FOXP1: variants seen among roughly 807,000 people sequenced by gnomAD.
FOXP1 encodes the protein forkhead box protein P1.
Under a neutral mutation model 98.2 loss-of-function variants are expected in FOXP1, and 15 were observed. The observed-to-expected ratio is 0.15, with a 90% CI of 0.10 to 0.24. The LOEUF is 0.24. FOXP1 is among the 10% of genes least tolerant of loss of function. The pLI is 1.00. For missense variants in FOXP1, 633 were observed against 848.5 expected (o/e 0.75, Z 3.15); for synonymous variants, 371 against 314.5 (o/e 1.18, Z -1.90).
chr3:71,502,758 G>C (rs901378652), intron 2 of FOXP1, among the ~76,000 whole-genome samples: 1 of 152,166 alleles, frequency 6.6e-6, no homozygotes, highest in Non-Finnish European at 1.5e-5. Context: ...GAACATTCTA[G>C]AAGAAGCCAG....
chr3:71,094,255 T>C (rs2056219153), intron 7 of FOXP1, among the ~76,000 whole-genome samples: 1 of 151,706 alleles, frequency 6.6e-6, no homozygotes, highest in Non-Finnish European at 1.5e-5. Flanking sequence ...CTGAATTTCA[T>C]ATAATTCCCT....
intron 7 of FOXP1, among the ~76,000 whole-genome samples, chr3:71,079,647 T>G (rs2054202839): frequency 6.6e-6 from 1 of 152,200 alleles, no homozygotes; most frequent in Admixed American, 6.5e-5. Flanking sequence ...GAAGACCTGT[T>G]CACGTCAGGG....
intron 3 of FOXP1, among the ~76,000 whole-genome samples, chr3:71,448,941 G>T (rs2086694070): frequency 1.3e-5 from 2 of 152,198 alleles, no homozygotes; most frequent in African/African-American, 4.8e-5. Flanking sequence ...GGCATGCAAA[G>T]TTTATTAGCT....
At chr3:71,545,136 A>C (rs1214829501) in intron 2 of FOXP1, among the ~76,000 whole-genome samples, 1 of 152,134 alleles carries the variant, frequency 6.6e-6, no homozygotes, top group African/African-American at 2.4e-5. Context: ...TTACACATGT[A>C]CATGCGCGCA....
intron 13 of FOXP1, among the ~76,000 whole-genome samples, chr3:70,999,861 T>C (rs757949854): frequency 4.6e-5 from 7 of 152,200 alleles, no homozygotes; most frequent in Non-Finnish European, 8.8e-5. Flanking sequence ...CTGTCTTGCA[T>C]ACAAAATAGG....
chr3:71,265,824 T>C (rs558212403), intron 5 of FOXP1, among the ~76,000 whole-genome samples: 12 of 152,148 alleles, frequency 7.9e-5, no homozygotes, highest in East Asian at 3.9e-4. Context: ...ACAAACCTCA[T>C]TGGAATCACG....
At chr3:71,152,082 G>A (rs763428393) in intron 6 of FOXP1, among the ~76,000 whole-genome samples, 62 of 152,288 alleles carry the variant, frequency 4.1e-4, no homozygotes, top group Middle Eastern at 3.4e-3. Flanking sequence ...TGTGGGCCTG[G>A]CCTAATTAGG....
At chr3:71,206,683 T>A (rs1042553145) in intron 5 of FOXP1, among the ~76,000 whole-genome samples, 2 of 152,360 alleles carry the variant, frequency 1.3e-5, no homozygotes, top group South Asian at 4.1e-4. Context: ...TGTAAATGTC[T>A]TATTCTTCAG....
At chr3:71,450,688 G>A (rs2086864801) in intron 3 of FOXP1, among the ~76,000 whole-genome samples, 1 of 152,180 alleles carries the variant, frequency 6.6e-6, no homozygotes, top group East Asian at 1.9e-4. Context: ...TCTAAATACT[G>A]TTTCTTGTGA....
In FOXP1 at chr3:70,972,558, CT is replaced by C. The variant is rs764457262; in HGVS notation, c.1648del (p.Ser550ValfsTer49). 6.2e-7 allele frequency: 1 copy of C among 1,614,236 alleles called. No homozygotes were observed. The highest frequency in any genetic ancestry group is 8.5e-7 in the Non-Finnish European group (1 of 1,180,046). ...AGTTCAAACATGGTGGACGTACCCACTGATCTTTTGTGGCCTTCGTTTTTGG... is the reference window on the plus strand; with the variant it reads ...AGTTCAAACATGGTGGACGTACCCACGATCTTTTGTGGCCTTCGTTTTTGG... ...EFQKRRPQKISGNPSLIKNMQ... is the reference protein window; with the variant it reads ...EFQKRRPQKIXGNPSLIKNMQ... On this transcript the variant is annotated frameshift_variant, in exon 18 of 21. Coordinates refer to ENST00000649528, the MANE Select transcript of FOXP1 (RefSeq NM_001349338.3). LOFTEE classifies it high-confidence loss of function.
At chr3:71,024,039 CGAAATCAGCTG>C (rs1485319525) in intron 11 of FOXP1, among the ~76,000 whole-genome samples, 4 of 152,262 alleles carry the variant, frequency 2.6e-5, no homozygotes, top group South Asian at 2.1e-4. Context: ...TATATCCCCT[CGAAATCAGCTG>C]GAAATCAGCT....
intron 13 of FOXP1, among the ~76,000 whole-genome samples, chr3:70,991,904 T>C (rs889023497): frequency 1.3e-5 from 2 of 152,172 alleles, no homozygotes; most frequent in Admixed American, 6.5e-5. Flanking sequence ...CCTGGGACAA[T>C]AACTCAAATC....
intron 2 of FOXP1, among the ~76,000 whole-genome samples, chr3:71,548,262 A>G (rs527385084): frequency 1.3e-5 from 2 of 152,316 alleles, no homozygotes; most frequent in African/African-American, 4.8e-5. Flanking sequence ...ATCCAGCTCT[A>G]GTTTAAAACT....
At chr3:71,391,151 A>G (rs2081001005) in intron 3 of FOXP1, among the ~76,000 whole-genome samples, 1 of 152,158 alleles carries the variant, frequency 6.6e-6, no homozygotes, top group South Asian at 2.1e-4. Context: ...ACTCACCTAA[A>G]ACAAAAATAT....
chr3:71,356,483 C>A (rs1183671476), intron 4 of FOXP1, among the ~76,000 whole-genome samples: 7 of 152,156 alleles, frequency 4.6e-5, no homozygotes, highest in African/African-American at 1.7e-4. Flanking sequence ...CAGGATGGTA[C>A]AAGCTTGTCA....
intron 20 of FOXP1, among the ~76,000 whole-genome samples, chr3:70,962,536 T>C (rs1405111013): frequency 6.6e-6 from 1 of 152,222 alleles, no homozygotes; most frequent in Non-Finnish European, 1.5e-5. Context: ...TTACCTTAAA[T>C]TGTGTTTCTC....
intron 6 of FOXP1, among the ~76,000 whole-genome samples, chr3:71,118,092 G>A (rs951117653): frequency 2.6e-5 from 4 of 152,144 alleles, no homozygotes; most frequent in Admixed American, 6.5e-5. Flanking sequence ...GGAACTGCCC[G>A]ATGGCTGGCA....
chr3:71,253,832 T>C (rs967305706), intron 5 of FOXP1, among the ~76,000 whole-genome samples: 16 of 152,182 alleles, frequency 1.1e-4, no homozygotes, highest in African/African-American at 3.9e-4. Context: ...ATTAAATATA[T>C]GTAGCACTAA....
intron 6 of FOXP1, among the ~76,000 whole-genome samples, chr3:71,153,258 A>C (rs1292578991): frequency 6.6e-6 from 1 of 152,188 alleles, no homozygotes; most frequent in Non-Finnish European, 1.5e-5. Flanking sequence ...TGAATATACC[A>C]GCAGGAATAC....
Sources: allele counts gnomAD v4.1 joint callset (sites outside exome capture counted in the v4.1 genomes callset), GRCh38; gene constraint gnomAD v4.1.1; transcripts MANE v1.5; gene names NCBI Gene and HGNC (gene_info 2026-07-23, HGNC 2026-07-21).